Variants in DKK2 observed in about 807,000 individuals in gnomAD.
DKK2 encodes the protein dickkopf-related protein 2.
DKK2 carries 11 observed loss-of-function variants against 28.1 expected under a neutral mutation model. The ratio of observed to expected loss-of-function variants is 0.39; its 90% CI spans 0.25 to 0.65. The LOEUF (loss-of-function observed/expected upper bound fraction) is 0.65, where lower values mean the gene tolerates loss of function less well. Among genes scored for constraint, DKK2 ranks in the 30% least tolerant of loss-of-function variants. The pLI, the probability that DKK2 is intolerant of heterozygous loss-of-function variation, is 0.47. For missense variants in DKK2, 326 were observed against 335.5 expected (o/e 0.97, Z 0.22); for synonymous variants, 135 against 126.5 (o/e 1.07, Z -0.45).
chr4:106,964,987 A>AGAT (rs1722749228), intron 1 of DKK2, among the ~76,000 whole-genome samples: 1 of 149,798 alleles, frequency 6.7e-6, no homozygotes, highest in African/African-American at 2.5e-5. Context: ...ATAGATAGAT[A>AGAT]GATAGATAGA....
chr4:106,940,028 C>A (rs1724669596), intron 1 of DKK2, among the ~76,000 whole-genome samples: 1 of 152,104 alleles, frequency 6.6e-6, no homozygotes, highest in African/African-American at 2.4e-5. Flanking sequence ...CTAGGCAATA[C>A]CATTCAGGAC....
chr4:106,932,895 T>C (rs527658334), intron 1 of DKK2, among the ~76,000 whole-genome samples: 5 of 152,320 alleles, frequency 3.3e-5, no homozygotes, highest in South Asian at 4.1e-4. Context: ...TTTGGAGTTA[T>C]ACTGCAATTC....
intron 1 of DKK2, among the ~76,000 whole-genome samples, chr4:107,004,414 G>C (rs1315242659): frequency 6.6e-6 from 1 of 152,118 alleles, no homozygotes; most frequent in Admixed American, 6.6e-5. Context: ...AGAAATGTTC[G>C]AGGATGACTT....
chr4:106,991,699 A>G (rs1723206245), intron 1 of DKK2, among the ~76,000 whole-genome samples: 1 of 152,172 alleles, frequency 6.6e-6, no homozygotes, highest in African/African-American at 2.4e-5. Context: ...GCCCCAACAC[A>G]TACGCATACA....
intron 1 of DKK2, among the ~76,000 whole-genome samples, chr4:107,011,249 C>T (rs1213567844): frequency 1.3e-5 from 2 of 151,586 alleles, no homozygotes; most frequent in Non-Finnish European, 3.0e-5. Flanking sequence ...GACAATCAAA[C>T]TCTTTGGGTC....
chr4:106,962,429 A>G (rs13137764), intron 1 of DKK2, among the ~76,000 whole-genome samples: 4,841 of 151,902 alleles, frequency 0.032, 121 homozygotes, highest in South Asian at 0.057. Flanking sequence ...TTTTCAATAA[A>G]GGTGCCAAGA....
chr4:106,951,963 A>G (rs574456897), intron 1 of DKK2, among the ~76,000 whole-genome samples: 30 of 152,324 alleles, frequency 2.0e-4, no homozygotes, highest in Admixed American at 7.9e-4. Flanking sequence ...ACAGAAACAC[A>G]TATTTGGAAA....
At chr4:106,998,656 TTTG>T (rs1257999073) in intron 1 of DKK2, among the ~76,000 whole-genome samples, 3 of 152,198 alleles carry the variant, frequency 2.0e-5, no homozygotes, top group African/African-American at 7.2e-5. Flanking sequence ...ACCTAATAAA[TTTG>T]TTGTCAGATT....
chr4:106,996,760 C>T (rs1020598878), intron 1 of DKK2, among the ~76,000 whole-genome samples: 2 of 152,210 alleles, frequency 1.3e-5, no homozygotes, highest in South Asian at 2.1e-4. Context: ...CTCTGAAAAA[C>T]GTCTGCCTGA....
At position 106,924,202 on chromosome 4, in the gene DKK2, G is replaced by T; in HGVS notation, c.532C>A (p.His178Asn). The T allele has an allele frequency of 6.2e-7, 1 of 1,613,702 alleles. No homozygotes were observed. The highest frequency in any genetic ancestry group is 1.1e-5 in the South Asian group (1 of 91,078). Reference protein sequence around the residue: ...PHTKMSHIKGHEGDPCLRSSD... With the variant: ...PHTKMSHIKGNEGDPCLRSSD... ...GATCGTAGGCAGGGGTCTCCTTCAT[G>T]CCCTGCAGAGATGATGACCAATAGA... Residue 178 changes from histidine (H) to asparagine (N), a missense_variant and splice_region_variant, in exon 4 of 4, where the codon CAT becomes AAT. Transcript: ENST00000285311.
intron 1 of DKK2, among the ~76,000 whole-genome samples, chr4:106,941,685 G>A (rs1438579151): frequency 6.6e-6 from 1 of 152,110 alleles, no homozygotes; most frequent in East Asian, 1.9e-4. Flanking sequence ...AGTTTGGGCA[G>A]CGTCAGAGTT....
At chr4:106,924,741 A>G (rs1560572917) in intron 2 of DKK2, 41 bp from the exon 3 acceptor site, 6 of 1,575,596 alleles carry the variant, frequency 3.8e-6, no homozygotes, top group Middle Eastern at 1.7e-4. Context: ...ATTCAATTCT[A>G]TGAAATGTGA....
chr4:107,030,756 A>G (rs937784817), intron 1 of DKK2, among the ~76,000 whole-genome samples: 4 of 152,042 alleles, frequency 2.6e-5, no homozygotes, highest in Non-Finnish European at 5.9e-5. Flanking sequence ...CTAAAATGTA[A>G]CCGATTATTT....
At chr4:106,960,110 A>C (rs1434083489) in intron 1 of DKK2, among the ~76,000 whole-genome samples, 1 of 135,436 alleles carries the variant, frequency 7.4e-6, no homozygotes, top group Admixed American at 7.2e-5. Context: ...GCAGAGAAAA[A>C]ATGTTATATA....
chr4:107,001,908 T>G (rs1723365471), intron 1 of DKK2, among the ~76,000 whole-genome samples: 1 of 152,196 alleles, frequency 6.6e-6, no homozygotes, highest in African/African-American at 2.4e-5. Context: ...TAGTGTCCTT[T>G]GGATCATGTA....
intron 1 of DKK2, among the ~76,000 whole-genome samples, chr4:106,960,159 C>T (rs1395852283): frequency 1.3e-5 from 2 of 149,318 alleles, no homozygotes; most frequent in East Asian, 3.9e-4. Context: ...TACATATATA[C>T]ACACATATAT....
intron 1 of DKK2, among the ~76,000 whole-genome samples, chr4:106,941,631 A>C (rs1037860602): frequency 2.0e-5 from 3 of 152,146 alleles, no homozygotes; most frequent in Non-Finnish European, 4.4e-5. Context: ...TGTCCTTCTA[A>C]TCGTCACTGG....
intron 1 of DKK2, among the ~76,000 whole-genome samples, chr4:106,935,561 G>C (rs1044452354): frequency 6.6e-6 from 1 of 152,232 alleles, no homozygotes; most frequent in Non-Finnish European, 1.5e-5. Flanking sequence ...CATTGCCCAG[G>C]CTTGCTTAGA....
chr4:106,961,297 T>G (rs986052125), intron 1 of DKK2, among the ~76,000 whole-genome samples: 1 of 152,126 alleles, frequency 6.6e-6, no homozygotes, highest in Non-Finnish European at 1.5e-5. Context: ...AAAAAGGATT[T>G]TGACCCTGCT....
Sources: allele counts gnomAD v4.1 joint callset (sites outside exome capture counted in the v4.1 genomes callset), GRCh38; gene constraint gnomAD v4.1.1; transcripts MANE v1.5; gene names NCBI Gene and HGNC (gene_info 2026-07-23, HGNC 2026-07-21).